Variants in MASP1 observed in about 807,000 individuals in gnomAD.
The protein encoded by MASP1 is mannan-binding lectin serine protease 1.
MASP1 carries 59 observed loss-of-function variants against 77.1 expected under a neutral mutation model. The ratio of observed to expected loss-of-function variants is 0.77; its 90% CI spans 0.62 to 0.95. MASP1 has a LOEUF of 0.95. Ranked by LOEUF, MASP1 falls within the 40% of genes least tolerant of loss-of-function variation. The probability of loss-of-function intolerance (pLI) is 0.00; values close to 1 mark genes in which losing one functional copy is unlikely to be tolerated. For synonymous variants in MASP1, 362 were observed against 354.5 expected, an observed-to-expected ratio of 1.02 and a Z score of -0.24; for missense variants, 885 against 912.9, an observed-to-expected ratio of 0.97 and a Z score of 0.39.
At chr3:187,279,411 T>C (rs567145664) in intron 2 of MASP1, among the ~76,000 whole-genome samples, 1 of 152,348 alleles carries the variant, frequency 6.6e-6, no homozygotes, top group Non-Finnish European at 1.5e-5. Context: ...AACTTGGAAA[T>C]GCAGATTGTT....
intron 15 of MASP1, chr3:187,220,322 T>C: frequency 6.8e-7 from 1 of 1,480,654 alleles, no homozygotes. Flanking sequence ...AGTCTCCTTC[T>C]CCCATGTATG....
chr3:187,278,243 A>T (rs988752008), intron 2 of MASP1, among the ~76,000 whole-genome samples: 3 of 152,098 alleles, frequency 2.0e-5, no homozygotes, highest in African/African-American at 7.2e-5. Flanking sequence ...GGTCTGAATG[A>T]CTCCAAAGTT....
At chr3:187,239,114 G>A (rs545094930) in intron 10 of MASP1, among the ~76,000 whole-genome samples, 169 of 151,974 alleles carry the variant, frequency 1.1e-3, no homozygotes, top group Non-Finnish European at 1.8e-3. Flanking sequence ...AAGCTGAGGT[G>A]GGCGGATCAC....
chr3:187,287,877 T>C (rs960888334), intron 1 of MASP1, among the ~76,000 whole-genome samples: 2 of 152,220 alleles, frequency 1.3e-5, no homozygotes, highest in African/African-American at 4.8e-5. Context: ...TTTGAGTTTT[T>C]GGGTATGTAA....
At chr3:187,219,275 T>C (rs1711901572) in exon 16 of MASP1, 2 of 152,220 alleles carry the variant, frequency 1.3e-5, no homozygotes, top group African/African-American at 2.4e-5. Context: ...CCCTTTGAGA[T>C]GAGGGAGGAG....
At chr3:187,289,180 C>CT (rs11391962) in intron 1 of MASP1, among the ~76,000 whole-genome samples, 34,779 of 151,978 alleles carry the variant, frequency 0.23, 5,114 homozygotes, top group African/African-American at 0.42. Context: ...AGAGGCCCCC[C>CT]GTAGGAACAG....
At chr3:187,242,488 G>C (rs1267414125) in intron 9 of MASP1, 2 of 152,452 alleles carry the variant, frequency 1.3e-5, no homozygotes, top group Non-Finnish European at 2.9e-5. Flanking sequence ...CTCCAGCCTG[G>C]GTGACAGAGT....
chr3:187,274,261 G>A (rs186283442), intron 2 of MASP1, among the ~76,000 whole-genome samples: 168 of 152,104 alleles, frequency 1.1e-3, no homozygotes, highest in African/African-American at 4.0e-3. Context: ...TGTTCTATGT[G>A]GAACTTTCCA....
intron 1 of MASP1, among the ~76,000 whole-genome samples, chr3:187,288,591 G>A (rs1718044820): frequency 1.3e-5 from 2 of 152,220 alleles, no homozygotes; most frequent in South Asian, 2.1e-4. Flanking sequence ...TCCAGCCCTA[G>A]CCAAACATTA....
intron 2 of MASP1, among the ~76,000 whole-genome samples, chr3:187,269,695 T>C (rs918888524): frequency 6.6e-6 from 1 of 152,244 alleles, no homozygotes; most frequent in African/African-American, 2.4e-5. Context: ...TCAGAATTAC[T>C]ATGGAGCAGT....
At chr3:187,220,333 G>T in intron 15 of MASP1, 1 of 1,416,384 alleles carries the variant, frequency 7.1e-7, no homozygotes, top group Non-Finnish European at 9.8e-7. Flanking sequence ...CCCATGTATG[G>T]GTTGTAGTTC....
intron 2 of MASP1, among the ~76,000 whole-genome samples, chr3:187,274,707 C>T (rs537471648): frequency 2.6e-5 from 4 of 152,206 alleles, no homozygotes; most frequent in East Asian, 1.9e-4. Context: ...AAATGCTTGG[C>T]GCCATAAAGA....
chr3:187,253,060 C>T (rs1219844258), intron 6 of MASP1, 108 bp downstream of exon 6: 1 of 1,424,910 alleles, frequency 7.0e-7, no homozygotes, highest in African/African-American at 1.4e-5. Flanking sequence ...CTGGGAGTCC[C>T]ATCAGGTCTC....
At chr3:187,269,741 A>G (rs761390535) in intron 2 of MASP1, among the ~76,000 whole-genome samples, 22 of 152,194 alleles carry the variant, frequency 1.4e-4, no homozygotes, top group Non-Finnish European at 2.9e-5. Flanking sequence ...CCATTTTTCA[A>G]TGGAAATTCT....
chr3:187,291,709 T>C lies in MASP1; in HGVS notation c.-77A>G. 6.4e-7 allele frequency: 1 copy of C among 1,566,394 alleles called. No homozygotes were observed. Among genetic ancestry groups the C allele is most frequent in the Non-Finnish European group, 8.8e-7 (1 of 1,136,540 alleles). ...CTTGCCTGTGAGCTCGTGCCCGGTG[T>C]GGTGTCCGTGATGCCTTATCTTTGT... On this transcript the variant is annotated 5_prime_UTR_variant, in exon 1 of 11. Transcript: ENST00000296280.
chr3:187,220,965 G>T, intron 15 of MASP1: 1 of 1,328,616 alleles, frequency 7.5e-7, no homozygotes, highest in South Asian at 1.2e-5. Flanking sequence ...AGGCCTCTGT[G>T]CTCCCTTGCT....
intron 2 of MASP1, among the ~76,000 whole-genome samples, chr3:187,267,833 G>A (rs937794703): frequency 6.6e-6 from 1 of 152,204 alleles, no homozygotes; most frequent in Non-Finnish European, 1.5e-5. Flanking sequence ...GGCTTTAAGA[G>A]AACTGCTTGG....
At chr3:187,266,847 G>A (rs1441284174) in intron 2 of MASP1, among the ~76,000 whole-genome samples, 1 of 152,160 alleles carries the variant, frequency 6.6e-6, no homozygotes, top group Non-Finnish European at 1.5e-5. Flanking sequence ...TGGAAGGACA[G>A]CTACTCTATG....
rs1449491876 is a variant in MASP1 at position 187,239,188 on chromosome 3, A to T, written c.1303+2293T>A. On this transcript the variant is annotated intron_variant, in intron 10 of 10. Coordinates refer to ENST00000296280, the MANE Select transcript of MASP1 (RefSeq NM_139125.4). ...AGAAACCCCGTCTCTACTAAAAATT[A>T]AAAAAAAAAAAAAAAAAAGTCAGGC... is the stretch of plus-strand genomic sequence containing the variant. 4.0e-4 allele frequency among the ~76,000 whole-genome samples: 34 copies of T among 84,378 alleles called. 2 individuals are homozygous for T. Among genetic ancestry groups the T allele is most frequent in the East Asian group, 1.5e-3 (3 of 1,960 alleles). The allele number at this position is 84,378 out of a possible 152,430, so 55.4% of individuals were successfully genotyped here. A position where few individuals can be genotyped will look rare whatever the true frequency, so the allele number is the denominator to read the frequency against.
Sources: gnomAD v4.1 joint callset for allele counts (sites outside exome capture counted in the v4.1 genomes callset) on GRCh38, gnomAD v4.1.1 for gene constraint, MANE v1.5 for transcripts, NCBI Gene and HGNC (gene_info 2026-07-23, HGNC 2026-07-21) for gene names.